The following SDK1 variants were observed in gnomAD, a reference collection of about 807,000 sequenced individuals.
The protein encoded by SDK1 is protein sidekick-1.
Under a neutral mutation model 245.5 loss-of-function variants are expected in SDK1, and 157 were observed. The ratio of observed to expected loss-of-function variants is 0.64; its 90% CI spans 0.56 to 0.73. The LOEUF is 0.73. SDK1 is among the 30% of genes least tolerant of loss of function. The pLI, the probability that SDK1 is intolerant of heterozygous loss-of-function variation, is 0.00. For synonymous variants in SDK1, 1,647 were observed against 1,278.5 expected (o/e 1.29, Z -6.15); for missense variants, 3,583 against 3,002.3 (o/e 1.19, Z -4.52).
At chr7:4,019,061 G>T (rs1047449663) in intron 17 of SDK1, among the ~76,000 whole-genome samples, 6 of 152,106 alleles carry the variant, frequency 3.9e-5, no homozygotes, top group African/African-American at 1.4e-4. Context: ...GGCCCCACAA[G>T]CACCTCCCAG....
At chr7:3,348,473 G>T (rs958483169) in intron 1 of SDK1, among the ~76,000 whole-genome samples, 1 of 141,036 alleles carries the variant, frequency 7.1e-6, no homozygotes, top group Non-Finnish European at 1.6e-5. Context: ...AAAACAACAT[G>T]TTCTCGTAAG....
intron 4 of SDK1, among the ~76,000 whole-genome samples, chr7:3,665,148 G>A (rs981370466): frequency 6.6e-6 from 1 of 152,174 alleles, no homozygotes; most frequent in Non-Finnish European, 1.5e-5. Context: ...CCCTTCCTAT[G>A]TGAAGTAGGT....
At chr7:3,609,619 C>G (rs576694162) in intron 1 of SDK1, among the ~76,000 whole-genome samples, 1 of 152,164 alleles carries the variant, frequency 6.6e-6, no homozygotes, top group Non-Finnish European at 1.5e-5. Context: ...CCAGGATGGT[C>G]TCGATTTCCT....
At chr7:4,001,422 G>A (rs374611179) in intron 14 of SDK1, among the ~76,000 whole-genome samples, 23 of 152,312 alleles carry the variant, frequency 1.5e-4, no homozygotes, top group African/African-American at 4.8e-4. Context: ...TTGGGTCCAG[G>A]TCAAAGTCTG....
At position 4,265,281 on chromosome 7, in the gene SDK1, C is replaced by T. The variant is rs759130063; in HGVS notation, c.6539C>T (p.Ala2180Val). The T allele has an allele frequency of 5.7e-6, 9 of 1,587,560 alleles. No homozygotes were observed. The highest frequency in any genetic ancestry group is 5.4e-5 in the African/African-American group (4 of 74,486). Residue 2180 changes from alanine (A) to valine (V), a missense_variant, in exon 45 of 45, where the codon GCG (alanine) becomes GTG (valine). Transcript: ENST00000404826. The part of the protein sequence containing the change: ...YEAVAGSEAG[A>V]QLHPVITTQS... Reference sequence around the variant, plus strand: ...GCGGTGGCGGGCTCCGAGGCGGGCGCGCAGCTGCACCCGGTCATCACCACG... The same window carrying T: ...GCGGTGGCGGGCTCCGAGGCGGGCGTGCAGCTGCACCCGGTCATCACCACG...
intron 4 of SDK1, among the ~76,000 whole-genome samples, chr7:3,731,702 T>C (rs900828353): frequency 1.2e-4 from 19 of 152,324 alleles, no homozygotes; most frequent in African/African-American, 4.6e-4. Context: ...ATACAGCATG[T>C]TCAGAAGAAC....
chr7:3,508,326 C>T (rs7812249), intron 1 of SDK1, among the ~76,000 whole-genome samples: 142 of 136,204 alleles, frequency 1.0e-3, no homozygotes, highest in African/African-American at 3.8e-3. Flanking sequence ...TCTTCTTCTT[C>T]TTTTTTTTTT....
intron 19 of SDK1, among the ~76,000 whole-genome samples, chr7:4,063,113 CA>C (rs1193724220): frequency 6.6e-6 from 1 of 151,942 alleles, no homozygotes; most frequent in Non-Finnish European, 1.5e-5. Context: ...AGCAGTCAGG[CA>C]AAAGAAAGGA....
Position 3,486,091 on chromosome 7 carries a change from CCT to C in SDK1, c.299-132988_299-132987del, listed in dbSNP as rs755395420. Among the ~76,000 whole-genome samples the C allele has an allele frequency of 2.2e-4, 33 of 151,734 alleles. 1 individual carries two copies. Among genetic ancestry groups the C allele is most frequent in the Non-Finnish European group, 8.8e-5 (6 of 67,910 alleles). ...ATCTATGCTTAGTGCTTTTTTCCCCCCTGAGTTAAATTATTACCTGTAATTTT... is the reference window on the plus strand; with the variant it reads ...ATCTATGCTTAGTGCTTTTTTCCCCCGAGTTAAATTATTACCTGTAATTTT... On this transcript the variant is annotated intron_variant, in intron 1 of 44. Coordinates refer to ENST00000404826, the MANE Select transcript of SDK1 (RefSeq NM_152744.4).
chr7:3,420,938 T>G (rs1779518113), intron 1 of SDK1, among the ~76,000 whole-genome samples: 1 of 152,170 alleles, frequency 6.6e-6, no homozygotes, highest in African/African-American at 2.4e-5. Context: ...CCAGTGTGTG[T>G]TGTTCCCCTC....
chr7:3,538,655 C>G (rs534910613), intron 1 of SDK1, among the ~76,000 whole-genome samples: 2 of 152,262 alleles, frequency 1.3e-5, no homozygotes, highest in South Asian at 4.1e-4. Flanking sequence ...CTGACCAAGT[C>G]CACATGGTTT....
chr7:3,556,741 C>T (rs1013739234), intron 1 of SDK1, among the ~76,000 whole-genome samples: 1 of 151,946 alleles, frequency 6.6e-6, no homozygotes, highest in Middle Eastern at 3.2e-3. Flanking sequence ...AGGCAGTGAG[C>T]CAAGATCACG....
chr7:3,550,646 T>G (rs1779371714), intron 1 of SDK1, among the ~76,000 whole-genome samples: 1 of 152,246 alleles, frequency 6.6e-6, no homozygotes, highest in Non-Finnish European at 1.5e-5. Flanking sequence ...TTGTGCTGAT[T>G]ATATCCATTT....
intron 33 of SDK1, among the ~76,000 whole-genome samples, chr7:4,175,543 C>G (rs560741918): frequency 6.6e-6 from 1 of 152,236 alleles, no homozygotes; most frequent in Non-Finnish European, 1.5e-5. Context: ...CACACCCCGC[C>G]TGTCCGGGAC....
At chr7:4,079,608 G>A in intron 22 of SDK1, 24 bp downstream of exon 22, 2 of 1,613,560 alleles carry the variant, frequency 1.2e-6, no homozygotes, top group East Asian at 4.5e-5. Context: ...TAGACTGGGA[G>A]CTGGCATTTG....
At chr7:3,426,849 C>G (rs529460123) in intron 1 of SDK1, among the ~76,000 whole-genome samples, 1 of 152,336 alleles carries the variant, frequency 6.6e-6, no homozygotes, top group African/African-American at 2.4e-5. Context: ...CCCTGCCACT[C>G]TGCTTAAATC....
chr7:3,584,428 C>G (rs1483148720), intron 1 of SDK1, among the ~76,000 whole-genome samples: 1 of 152,128 alleles, frequency 6.6e-6, no homozygotes, highest in African/African-American at 2.4e-5. Flanking sequence ...CACTTCGTTT[C>G]TGGACTTGGA....
At chr7:3,631,062 A>G (rs1269643104) in intron 2 of SDK1, among the ~76,000 whole-genome samples, 1 of 151,992 alleles carries the variant, frequency 6.6e-6, no homozygotes, top group Non-Finnish European at 1.5e-5. Flanking sequence ...CCTCCCAAGT[A>G]GCTTGGGACT....
intron 4 of SDK1, among the ~76,000 whole-genome samples, chr7:3,773,859 A>G (rs187855889): frequency 1.3e-5 from 2 of 152,318 alleles, no homozygotes; most frequent in Admixed American, 6.5e-5. Flanking sequence ...GCTTTTGAAT[A>G]TCCTAATCTT....
Sources: gnomAD v4.1 joint callset for allele counts (sites outside exome capture counted in the v4.1 genomes callset) on GRCh38, gnomAD v4.1.1 for gene constraint, MANE v1.5 for transcripts, NCBI Gene and HGNC (gene_info 2026-07-23, HGNC 2026-07-21) for gene names.